ESRRG: variants seen among roughly 807,000 people sequenced by gnomAD.
The protein encoded by ESRRG is estrogen-related receptor gamma.
In ESRRG, 13 loss-of-function variants were observed where a neutral mutation model predicts 44.0. The ratio of observed to expected loss-of-function variants is 0.30; its 90% CI spans 0.19 to 0.47. The LOEUF (loss-of-function observed/expected upper bound fraction) is 0.47, where lower values mean the gene tolerates loss of function less well. ESRRG is among the 20% of genes least tolerant of loss of function. The pLI, the probability that ESRRG is intolerant of heterozygous loss-of-function variation, is 1.00. For synonymous variants in ESRRG, 215 were observed against 214.6 expected, an observed-to-expected ratio of 1.00 and a Z score of -0.02; for missense variants, 395 against 580.6, an observed-to-expected ratio of 0.68 and a Z score of 3.29.
chr1:216,760,949 A>C (rs1012422875), intron 2 of ESRRG, among the ~76,000 whole-genome samples: 1 of 152,206 alleles, frequency 6.6e-6, no homozygotes, highest in Middle Eastern at 3.4e-3. Flanking sequence ...AGACAGGTGG[A>C]CATTCCTTTC....
intron 1 of ESRRG, among the ~76,000 whole-genome samples, chr1:217,026,183 A>G (rs549656605): frequency 6.6e-6 from 1 of 152,112 alleles, no homozygotes; most frequent in African/African-American, 2.4e-5. Flanking sequence ...GGAGGCATAA[A>G]AGGAGCTTGA....
intron 5 of ESRRG, among the ~76,000 whole-genome samples, chr1:216,545,171 A>T (rs989877217): frequency 6.6e-6 from 1 of 151,602 alleles, no homozygotes; most frequent in African/African-American, 2.4e-5. Flanking sequence ...CTTCAGTTTC[A>T]CCAGTAGGTA....
chr1:216,939,616 T>G (rs1390102275), exon 2 of ESRRG: 2 of 152,036 alleles, frequency 1.3e-5, no homozygotes, highest in Non-Finnish European at 2.9e-5. Context: ...GTAGGATTTT[T>G]TCCTTACATC....
At chr1:216,997,205 T>G (rs2076474162) in intron 1 of ESRRG, among the ~76,000 whole-genome samples, 1 of 152,236 alleles carries the variant, frequency 6.6e-6, no homozygotes, top group Non-Finnish European at 1.5e-5. Context: ...AGGGCTGTAC[T>G]GCAGTTTGAC....
chr1:216,834,817 C>T (rs770144905), intron 2 of ESRRG, among the ~76,000 whole-genome samples: 11 of 152,102 alleles, frequency 7.2e-5, no homozygotes, highest in Non-Finnish European at 1.0e-4. Flanking sequence ...TAGATAGGCT[C>T]ATGAGACCTA....
In ESRRG at chr1:217,116,667, G is replaced by A. The variant is rs114969734; in HGVS notation, c.-230+21000C>T. ...CAGTCATCCTGTTACTGAGACTGTA[G>A]CAACCAAGATGCTTCCTACTTACAA... is the stretch of plus-strand genomic sequence containing the variant. On this transcript the variant is annotated intron_variant, in intron 1 of 8. Coordinates refer to the ESRRG transcript ENST00000366940. Among the ~76,000 whole-genome samples the A allele has an allele frequency of 1.5e-3, 235 of 152,266 alleles. 2 individuals carry two copies. The highest frequency in any genetic ancestry group is 2.5e-3 in the Non-Finnish European group (167 of 68,022).
At position 217,063,014 on chromosome 1, in the gene ESRRG, A is replaced by C. The variant is rs555635016; in HGVS notation, c.-106+26493T>G. On this transcript the variant is annotated intron_variant, in intron 1 of 7. Coordinates refer to the ESRRG transcript ENST00000359162. Reference sequence around the variant, plus strand: ...CCAGCTGTTTTCTATCTCCGTTGAGATTTAACAGCAGGATCCATTCTAGGA... The same window carrying C: ...CCAGCTGTTTTCTATCTCCGTTGAGCTTTAACAGCAGGATCCATTCTAGGA... 2.4e-4 allele frequency among the ~76,000 whole-genome samples: 37 copies of C among 152,106 alleles called. 1 individual carries two copies. The highest frequency in any genetic ancestry group is 4.1e-4 in the Non-Finnish European group (28 of 68,010).
At chr1:216,943,671 G>T (rs936591914) in intron 1 of ESRRG, among the ~76,000 whole-genome samples, 3 of 152,108 alleles carry the variant, frequency 2.0e-5, no homozygotes, top group African/African-American at 7.2e-5. Flanking sequence ...AAAGTGAATG[G>T]ATAGCAGAAG....
At chr1:216,734,306 T>C (rs1211478139) in intron 2 of ESRRG, among the ~76,000 whole-genome samples, 1 of 152,194 alleles carries the variant, frequency 6.6e-6, no homozygotes, top group African/African-American at 2.4e-5. Flanking sequence ...TTGGCTATTT[T>C]GTCTCCTCCA....
Position 216,924,347 on chromosome 1 carries a change from GC to G in ESRRG, c.-14+15234del, listed in dbSNP as rs543714205. On this transcript the variant is annotated intron_variant, in intron 2 of 7. Coordinates refer to the ESRRG transcript ENST00000359162. The stretch of plus-strand genomic sequence containing the variant: ...TGGTTGAAAGGGGAGGCCAAAAGCA[GC>G]CCTCGAGAGCAATGGCTCACTTGGT... Among the ~76,000 whole-genome samples the G allele has an allele frequency of 4.9e-3, 752 of 152,246 alleles. 3 individuals carry two copies. The highest frequency in any genetic ancestry group is 0.024 in the Middle Eastern group (7 of 294).
intron 6 of ESRRG, among the ~76,000 whole-genome samples, chr1:216,513,867 A>G (rs113950548): frequency 2.4e-4 from 36 of 152,258 alleles, no homozygotes; most frequent in African/African-American, 7.9e-4. Flanking sequence ...GTTGATATCA[A>G]TTTGGGTGGT....
At position 216,752,858 on chromosome 1, in the gene ESRRG, T is replaced by C. The variant is rs539440884; in HGVS notation, c.-13-75367A>G. Among the ~76,000 whole-genome samples, 8 of 152,236 alleles carry C rather than the reference T, an allele frequency of 5.3e-5. No individual in the cohort carries two copies. In the South Asian group the frequency reaches 1.7e-3, roughly 32 times the overall value. Reference sequence around the variant, plus strand: ...CCTCCATAAAATGGGCTTAGAATAGTAACTACTTCATTGGACTGTTGGGAG... The same window carrying C: ...CCTCCATAAAATGGGCTTAGAATAGCAACTACTTCATTGGACTGTTGGGAG... On this transcript the variant is annotated intron_variant, in intron 2 of 7. Transcript: ENST00000359162.
At chr1:216,596,333 C>A (rs1441245076) in intron 3 of ESRRG, among the ~76,000 whole-genome samples, 1 of 152,052 alleles carries the variant, frequency 6.6e-6, no homozygotes, top group Non-Finnish European at 1.5e-5. Flanking sequence ...ATTTTCAGTG[C>A]GTGAAAACAA....
chr1:216,744,830 C>T (rs145004071), intron 2 of ESRRG, among the ~76,000 whole-genome samples: 49 of 152,266 alleles, frequency 3.2e-4, no homozygotes, highest in East Asian at 2.7e-3. Flanking sequence ...CTCAAGTACC[C>T]GTTCATTTAG....
chr1:217,125,727 T>G (rs772280235), intron 1 of ESRRG, among the ~76,000 whole-genome samples: 1 of 152,226 alleles, frequency 6.6e-6, no homozygotes, highest in African/African-American at 2.4e-5. Flanking sequence ...TTGAATCTAT[T>G]TAAATCCCAA....
At chr1:216,790,056 T>G (rs564705379) in intron 2 of ESRRG, among the ~76,000 whole-genome samples, 15 of 152,240 alleles carry the variant, frequency 9.9e-5, no homozygotes, top group African/African-American at 3.4e-4. Context: ...CCCCTTTCCT[T>G]GGTTAGAATG....
At chr1:216,619,500 A>T (rs1463359150) in intron 3 of ESRRG, among the ~76,000 whole-genome samples, 7 of 152,186 alleles carry the variant, frequency 4.6e-5, no homozygotes, top group Non-Finnish European at 8.8e-5. Flanking sequence ...TGTAGGCTTG[A>T]GCAACAATTC....
intron 2 of ESRRG, among the ~76,000 whole-genome samples, chr1:216,747,835 A>G (rs938665287): frequency 3.9e-5 from 6 of 152,168 alleles, no homozygotes; most frequent in African/African-American, 1.4e-4. Context: ...AAAAAACAAC[A>G]GTGCTCAGGA....
chr1:216,509,738 C>T (rs2042175302), intron 6 of ESRRG, among the ~76,000 whole-genome samples: 2 of 152,302 alleles, frequency 1.3e-5, no homozygotes, highest in South Asian at 4.1e-4. Context: ...AGAAAAGATT[C>T]TAACTCATTT....
Sources: gnomAD v4.1 joint callset for allele counts (sites outside exome capture counted in the v4.1 genomes callset) on GRCh38, gnomAD v4.1.1 for gene constraint, MANE v1.5 for transcripts, NCBI Gene and HGNC (gene_info 2026-07-23, HGNC 2026-07-21) for gene names.